Variants in ABCA4 observed in about 807,000 individuals in gnomAD.
The protein encoded by ABCA4 is ATP binding cassette subfamily A member 4, also known as retinal-specific phospholipid-transporting ATPase ABCA4.
ABCA4 carries 196 observed loss-of-function variants against 263.7 expected under a neutral mutation model. The observed-to-expected ratio is 0.74, with a 90% CI of 0.66 to 0.84. The LOEUF is 0.84. Among genes scored for constraint, ABCA4 ranks in the 40% least tolerant of loss-of-function variants. The pLI is 0.00. For synonymous variants in ABCA4, 1,133 were observed against 1,094.2 expected, an observed-to-expected ratio of 1.04 and a Z score of -0.70; for missense variants, 2,792 against 2,855.1, an observed-to-expected ratio of 0.98 and a Z score of 0.50.
At chr1:94,034,864 T>C (rs1430049152) in intron 26 of ABCA4, among the ~76,000 whole-genome samples, 1 of 152,224 alleles carries the variant, frequency 6.6e-6, no homozygotes, top group Non-Finnish European at 1.5e-5. Flanking sequence ...TTGCTAAGTC[T>C]TAATCAGTGA....
chr1:94,075,024 A>G (rs977428125), intron 11 of ABCA4, among the ~76,000 whole-genome samples: 19 of 152,214 alleles, frequency 1.2e-4, no homozygotes, highest in African/African-American at 4.6e-4. Context: ...ACATGGAAGA[A>G]GCTGGAAGCC....
chr1:94,017,729 G>C (rs1659778667), intron 36 of ABCA4, among the ~76,000 whole-genome samples: 1 of 152,100 alleles, frequency 6.6e-6, no homozygotes. Context: ...GGGTGTGAGA[G>C]AGAGAGACAG....
At chr1:94,001,204 A>C in intron 45 of ABCA4, 99 bp from the exon 46 acceptor site, 1 of 940,778 alleles carries the variant, frequency 1.1e-6, no homozygotes, top group Non-Finnish European at 1.7e-6. Flanking sequence ...ATGAGCTGAC[A>C]GAAGGCGCAC....
Position 94,001,021 on chromosome 1 carries a change from C to T in ABCA4, c.6367G>A (p.Val2123Met), listed in dbSNP as rs532732547. 4 of 1,614,198 alleles carry T rather than the reference C, an allele frequency of 2.5e-6. No homozygotes were observed. The African/African-American group carries it at 4.0e-5, about 16-fold the overall frequency. The change falls in exon 46 of 50, where the codon GTG becomes ATG. Residue 2123 changes from valine to methionine, a missense_variant. Coordinates refer to ENST00000370225, the MANE Select transcript of ABCA4 (RefSeq NM_000350.3). ...TCTTGCCTGTGGGATGTGAGGACCA[C>T]AGCCCTCCCTTCTCTGATGATGCTC... ...IVSIIREGRA[V>M]VLTSHSMEEC... is the part of the protein sequence containing the mutation.
chr1:94,001,863 G>A lies in ABCA4; in HGVS notation c.6277C>T (p.Leu2093=). Residue 2093 remains leucine (L), a synonymous_variant, in exon 45 of 50, where the codon CTG becomes TTG. Coordinates refer to ENST00000370225, the MANE Select transcript of ABCA4 (RefSeq NM_000350.3). ...CGGCCCAAGCCCGCAGTTACCAGCA[G>A]CACCAGCGGTGGGCAGCCAATGAGT... The part of the protein sequence containing the change: ...IALIGCPPLV[L]LDEPTTGMDP... 6.2e-7 allele frequency: 1 copy of A among 1,614,238 alleles called. No individual in the cohort carries two copies. The highest frequency in any genetic ancestry group is 8.5e-7 in the Non-Finnish European group (1 of 1,180,034).
Position 94,063,110 on chromosome 1 carries a change from A to C in ABCA4, c.1760+2T>G, listed in dbSNP as rs61751385. ...TGCAGCGAGCCCTTCCTGAAACATC[A>C]CCTGTCTTTAATCTTATTGGTTTTC... On this transcript the variant is annotated splice_donor_variant, in intron 12 of 49. Coordinates refer to ENST00000370225, the MANE Select transcript of ABCA4 (RefSeq NM_000350.3). LOFTEE classifies it high-confidence loss of function. The C allele has an allele frequency of 6.2e-6, 10 of 1,612,064 alleles. No individual in the cohort carries two copies. The East Asian group carries it at 2.2e-4, about 36-fold the overall frequency.
At chr1:94,049,269 C>T (rs938866395) in intron 17 of ABCA4, among the ~76,000 whole-genome samples, 1 of 152,110 alleles carries the variant, frequency 6.6e-6, no homozygotes, top group East Asian at 1.9e-4. Context: ...TTTCTTTAGC[C>T]CACCACTGGC....
At chr1:94,082,944 TAGA>T (rs1329824539) in intron 7 of ABCA4, among the ~76,000 whole-genome samples, 16 of 152,370 alleles carry the variant, frequency 1.1e-4, no homozygotes, top group African/African-American at 3.8e-4. Context: ...GTAAAACACT[TAGA>T]AGAAGAGTGC....
At chr1:94,045,416 C>T (rs1396262368) in intron 19 of ABCA4, among the ~76,000 whole-genome samples, 1 of 151,270 alleles carries the variant, frequency 6.6e-6, no homozygotes, top group East Asian at 1.9e-4. Context: ...ATTAGAACAG[C>T]GCCAGCATAA....
intron 4 of ABCA4, 143 bp downstream of exon 4, chr1:94,108,434 G>T (rs1662500790): frequency 1.8e-6 from 2 of 1,140,254 alleles, no homozygotes; most frequent in Non-Finnish European, 1.3e-6. Flanking sequence ...CTTCACCAAG[G>T]TGATGTTCAA....
chr1:94,077,759 G>A lies in ABCA4; in HGVS notation c.1485C>T (p.Ala495=), dbSNP rs373158671. The change falls in exon 11 of 50, where the codon GCC becomes GCT. Residue 495 remains alanine (A), a synonymous_variant. Transcript: ENST00000370225. ...TAAATATGTCCCTCCAGTCGAAGTT[G>A]GCCATGTCGTCAGCCTGGCTTTCCC... is the stretch of plus-strand genomic sequence containing the variant. ...GPRESQADDM[A]NFDWRDIFNI... is the part of the protein sequence containing the mutation. The A allele has an allele frequency of 3.1e-6, 5 of 1,614,046 alleles. No individual in the cohort carries two copies. The South Asian group carries it at 3.3e-5, about 11-fold the overall frequency.
chr1:94,029,643 C>A lies in ABCA4; in HGVS notation c.4353-12G>T, dbSNP rs781612766. On this transcript the variant is annotated splice_polypyrimidine_tract_variant and intron_variant, in intron 29 of 49. Transcript: ENST00000370225. ...CACAGGGGTACTCCCTCATGGAAGA[C>A]AAGAAAATATTCCATAATCAGCCTC... The A allele has an allele frequency of 6.2e-7, 1 of 1,610,650 alleles. No homozygotes were observed. Among genetic ancestry groups the A allele is most frequent in the Non-Finnish European group, 8.5e-7 (1 of 1,178,140 alleles).
In ABCA4 at chr1:94,098,780, A is replaced by T. The variant is rs368450540; in HGVS notation, c.768+14T>A. 3.1e-6 allele frequency: 5 copies of T among 1,613,968 alleles called. No homozygotes were observed. In the African/African-American group the frequency reaches 6.7e-5, roughly 22 times the overall value. On this transcript the variant is annotated intron_variant, in intron 6 of 49. Transcript: ENST00000370225. ...TCACCTTGCAATTGGCGAGCAGCCA[A>T]ACCCCTCCCTTACCACACGGAAGAG...
chr1:94,039,037 G>A (rs1394668601), intron 24 of ABCA4, among the ~76,000 whole-genome samples: 2 of 152,200 alleles, frequency 1.3e-5, no homozygotes, highest in Non-Finnish European at 2.9e-5. Context: ...GCAAATCACA[G>A]TAACTTAACA....
intron 29 of ABCA4, 49 bp downstream of exon 29, chr1:94,030,379 C>T (rs1297833013): frequency 6.4e-7 from 1 of 1,568,410 alleles, no homozygotes; most frequent in Middle Eastern, 1.7e-4. Context: ...ACCGTTGGGT[C>T]CTCCCAGGGG....
chr1:94,049,037 A>G (rs773756940), intron 17 of ABCA4, 80 bp from the exon 18 acceptor site: 5 of 1,427,882 alleles, frequency 3.5e-6, no homozygotes, highest in Non-Finnish European at 4.9e-6. Context: ...GGAGAGGTAC[A>G]GGGAGCAAAT....
At chr1:94,010,524 C>T (rs1008959722) in intron 40 of ABCA4, 13 of 545,660 alleles carry the variant, frequency 2.4e-5, no homozygotes, top group Admixed American at 2.7e-5. Context: ...AATCAAAATA[C>T]ACATTTGGTA....
chr1:94,074,921 T>C (rs1458559765), intron 11 of ABCA4, among the ~76,000 whole-genome samples: 2 of 152,128 alleles, frequency 1.3e-5, no homozygotes, highest in African/African-American at 2.4e-5. Context: ...CAAATGCCCA[T>C]CAGTGATAGG....
chr1:94,017,242 A>C (rs1162228348), intron 36 of ABCA4, among the ~76,000 whole-genome samples: 5 of 152,228 alleles, frequency 3.3e-5, no homozygotes, highest in African/African-American at 1.2e-4. Context: ...GAAGCTCAGC[A>C]GACACCTTCT....
Sources: gnomAD v4.1 joint callset for allele counts (sites outside exome capture counted in the v4.1 genomes callset) on GRCh38, gnomAD v4.1.1 for gene constraint, MANE v1.5 for transcripts, NCBI Gene and HGNC (gene_info 2026-07-23, HGNC 2026-07-21) for gene names.